Variants in ABCA13 observed in about 807,000 individuals in gnomAD.
ABCA13 encodes ATP-binding cassette sub-family A member 13.
A neutral mutation model predicts 478.7 loss-of-function variants in ABCA13; 476 were observed. That is an observed-to-expected ratio of 0.99 (90% CI 0.92 to 1.07). The LOEUF (loss-of-function observed/expected upper bound fraction) is 1.07. ABCA13 is among the 50% of genes least tolerant of loss of function. The pLI is 0.00. For synonymous variants in ABCA13, 2,252 were observed against 2,158.9 expected (o/e 1.04, Z -1.20); for missense variants, 6,060 against 5,910.6 (o/e 1.03, Z -0.83).
intron 55 of ABCA13, among the ~76,000 whole-genome samples, chr7:48,547,883 A>G (rs1169363276): frequency 3.3e-5 from 5 of 151,922 alleles, no homozygotes; most frequent in African/African-American, 2.4e-5. Flanking sequence ...CAATAAATGC[A>G]TCTTCAACTT....
In ABCA13 at chr7:48,338,420, A is replaced by T. The variant is rs1259844791; in HGVS notation, c.10169A>T (p.Asp3390Val). 6.2e-7 allele frequency: 1 copy of T among 1,602,310 alleles called. No individual in the cohort carries two copies. The highest frequency in any genetic ancestry group is 1.7e-5 in the Admixed American group (1 of 58,900). Residue 3390 changes from aspartate (D) to valine (V), a missense_variant, in exon 29 of 62, where the codon GAT (aspartate) becomes GTT (valine). By Grantham distance (152) the Asp-to-Val change is radical. Transcript: ENST00000435803. ...TTTGTAGAAAACCAGTTGCACATTG[A>T]TGTAGACAAACTTACTGAAAAACTC... The part of the protein sequence containing the change: ...RNFVENQLHI[D>V]VDKLTEKLQT...
intron 52 of ABCA13, among the ~76,000 whole-genome samples, chr7:48,518,567 A>T (rs1214730067): frequency 6.6e-6 from 1 of 151,996 alleles, no homozygotes; most frequent in Non-Finnish European, 1.5e-5. Context: ...CAGAAAATGG[A>T]TCTAAATCAA....
In ABCA13 at chr7:48,486,468, G is replaced by A. The variant is rs561867966; in HGVS notation, c.13183-2768G>A. On this transcript the variant is annotated intron_variant, in intron 47 of 61. Transcript: ENST00000435803. ...TTTTTTCAATTATTTATAGCAGTTT[G>A]TTTTTTATTATTTTTCCCCAGTATT... Among the ~76,000 whole-genome samples, 21 of 152,160 alleles carry A rather than the reference G, an allele frequency of 1.4e-4. No homozygotes were observed. In the South Asian group the frequency reaches 4.4e-3, roughly 32 times the overall value.
chr7:48,265,099 T>C (rs1222821655), intron 15 of ABCA13, among the ~76,000 whole-genome samples: 2 of 151,746 alleles, frequency 1.3e-5, no homozygotes, highest in Non-Finnish European at 3.0e-5. Flanking sequence ...GTTGTATAAA[T>C]AAGTGGGTCT....
intron 58 of ABCA13, among the ~76,000 whole-genome samples, 174 bp downstream of exon 58, chr7:48,594,987 G>C (rs1790137696): frequency 6.6e-6 from 1 of 152,192 alleles, no homozygotes; most frequent in Non-Finnish European, 1.5e-5. Context: ...GAAGCCATGA[G>C]GGATTACGTT....
At position 48,488,236 on chromosome 7, in the gene ABCA13, G is replaced by GT. The variant is rs60590500; in HGVS notation, c.13183-988dup. 4.1e-3 allele frequency among the ~76,000 whole-genome samples: 581 copies of GT among 141,840 alleles called. 2 individuals are homozygous for GT. Among genetic ancestry groups the GT allele is most frequent in the African/African-American group, 9.8e-3 (382 of 38,918 alleles). 93.1% of individuals were successfully genotyped at this position (141,840 alleles called of 152,430 possible). On this transcript the variant is annotated intron_variant, in intron 47 of 61. Transcript: ENST00000435803. Reference sequence around the variant, plus strand: ...ACATTGTCTTGTGTAGTAGGGTTTTGTTTTTTTTTTTTCTCTTTTTGGTTT... The same window carrying GT: ...ACATTGTCTTGTGTAGTAGGGTTTTGTTTTTTTTTTTTTCTCTTTTTGGTTT...
intron 15 of ABCA13, among the ~76,000 whole-genome samples, chr7:48,249,955 C>A (rs886098136): frequency 6.6e-6 from 1 of 152,160 alleles, no homozygotes; most frequent in African/African-American, 2.4e-5. Flanking sequence ...CTCAGTCCCA[C>A]AAGATTGCCC....
chr7:48,180,980 A>T (rs1317308109), intron 1 of ABCA13, among the ~76,000 whole-genome samples: 1 of 152,176 alleles, frequency 6.6e-6, no homozygotes, highest in Non-Finnish European at 1.5e-5. Context: ...ACCAACAAAC[A>T]AAAAATCCCA....
chr7:48,472,703 G>A (rs1407755791), intron 45 of ABCA13, among the ~76,000 whole-genome samples: 1 of 151,906 alleles, frequency 6.6e-6, no homozygotes, highest in East Asian at 1.9e-4. Context: ...GCAGGGAAGG[G>A]TGCTCCATTT....
intron 3 of ABCA13, among the ~76,000 whole-genome samples, chr7:48,212,740 A>G (rs538688201): frequency 6.7e-6 from 1 of 149,432 alleles, no homozygotes; most frequent in South Asian, 2.1e-4. Flanking sequence ...TTTTTTGAGG[A>G]AAGTGTCTGT....
chr7:48,577,045 AAACCTATCACAGTT>A (rs1205887791), intron 55 of ABCA13, among the ~76,000 whole-genome samples: 1 of 152,194 alleles, frequency 6.6e-6, no homozygotes, highest in East Asian at 1.9e-4. Flanking sequence ...AATGAAATTT[AAACCTATCACAGTT>A]TGTGGAATAC....
chr7:48,397,551 C>T, intron 38 of ABCA13, among the ~76,000 whole-genome samples: 1 of 151,436 alleles, frequency 6.6e-6, no homozygotes, highest in East Asian at 1.9e-4. Context: ...CTGGGGAAAA[C>T]CATGCTCACA....
At chr7:48,244,799 G>T (rs2128673973) in intron 11 of ABCA13, 96 bp downstream of exon 11, 1 of 1,444,008 alleles carries the variant, frequency 6.9e-7, no homozygotes, top group Admixed American at 2.2e-5. Flanking sequence ...ACATTGTAAA[G>T]TTGGGAGATA....
chr7:48,525,960 A>G (rs1474500827), intron 54 of ABCA13, among the ~76,000 whole-genome samples: 4 of 152,018 alleles, frequency 2.6e-5, no homozygotes, highest in South Asian at 4.2e-4. Flanking sequence ...CTCATTGTTC[A>G]GCTCCTACTT....
In ABCA13 at chr7:48,389,237, C is replaced by T. The variant is rs560553851; in HGVS notation, c.11654+17C>T. 3.9e-5 allele frequency: 63 copies of T among 1,596,966 alleles called. 1 individual carries two copies. The South Asian group carries it at 6.3e-4, about 16-fold the overall frequency. On this transcript the variant is annotated intron_variant, in intron 37 of 61. Transcript: ENST00000435803. The stretch of plus-strand genomic sequence containing the variant: ...CACTATCATGTGGGTCCCATTTTAC[C>T]CTTATCAAACACTGGGCATTTGATT...
chr7:48,281,287 C>A, intron 18 of ABCA13, 56 bp from the exon 19 acceptor site: 1 of 1,404,434 alleles, frequency 7.1e-7, no homozygotes, highest in Non-Finnish European at 9.8e-7. Context: ...AGTAGAGATG[C>A]ACATGGGTTG....
chr7:48,246,042 A>G lies in ABCA13; in HGVS notation c.1659+12A>G. 6.2e-7 allele frequency: 1 copy of G among 1,611,328 alleles called. No homozygotes were observed. On this transcript the variant is annotated intron_variant, in intron 13 of 61. Coordinates refer to ENST00000435803, the MANE Select transcript of ABCA13 (RefSeq NM_152701.5). The stretch of plus-strand genomic sequence containing the variant: ...CAGTAGAGGATGCTGTAAGTATTCT[A>G]CCATCTTAGCTCTTCTAAGGGCACA...
intron 43 of ABCA13, among the ~76,000 whole-genome samples, 175 bp downstream of exon 43, chr7:48,455,461 T>C (rs1825560709): frequency 2.0e-5 from 3 of 152,246 alleles, no homozygotes; most frequent in Non-Finnish European, 4.4e-5. Flanking sequence ...CCTCTCAGGC[T>C]GTCTCAGGGC....
intron 41 of ABCA13, among the ~76,000 whole-genome samples, chr7:48,416,729 G>A (rs1299661502): frequency 1.3e-5 from 2 of 152,082 alleles, no homozygotes; most frequent in Non-Finnish European, 2.9e-5. Context: ...GTGTCTTGGG[G>A]TTTAGAGGCT....
Sources: allele counts gnomAD v4.1 joint callset (sites outside exome capture counted in the v4.1 genomes callset), GRCh38; gene constraint gnomAD v4.1.1; transcripts MANE v1.5; gene names NCBI Gene and HGNC (gene_info 2026-07-23, HGNC 2026-07-21).